Variants in MFRP observed in about 807,000 individuals in gnomAD.
The protein encoded by MFRP is membrane frizzled-related protein, also known as C1q and TNF related 5.
Under a neutral mutation model 65.8 loss-of-function variants are expected in MFRP, and 74 were observed. The ratio of observed to expected loss-of-function variants is 1.12; its 90% CI spans 0.93 to 1.36. The LOEUF (loss-of-function observed/expected upper bound fraction) is 1.36, where lower values mean the gene tolerates loss of function less well. MFRP is among the 40% of genes most tolerant of loss of function. The probability of loss-of-function intolerance (pLI) is 0.00; values close to 1 mark genes in which losing one functional copy is unlikely to be tolerated. For missense variants in MFRP, 838 were observed against 736.0 expected (o/e 1.14, Z -1.60); for synonymous variants, 336 against 288.3 (o/e 1.17, Z -1.68).
At chr11:119,344,425 A>C in intron 7 of MFRP, 34 bp from the exon 8 acceptor site, 1 of 1,601,986 alleles carries the variant, frequency 6.2e-7, no homozygotes, top group Non-Finnish European at 8.5e-7. Flanking sequence ...TGAGTTTGCT[A>C]GGATCTGTGC....
At chr11:119,342,549 A>T (rs1950512553) in intron 11 of MFRP, 47 bp downstream of exon 11, 1 of 1,608,576 alleles carries the variant, frequency 6.2e-7, no homozygotes, top group Admixed American at 1.7e-5. Context: ...GGGTTCTGTG[A>T]GGTGGGCACC....
rs770430181 is a variant in MFRP, at chr11:119,341,649, G to A, written c.1639C>T (p.His547Tyr). The change falls in exon 13 of 15, where the codon CAC becomes TAC. Residue 547 changes from histidine (H) to tyrosine (Y), a missense_variant. Transcript: ENST00000619721. The part of the protein sequence containing the change: ...PCRSVCQEAE[H>Y]QCQSGLALLG... ...AGTGCCAGGCCAGACTGGCACTGGT[G>A]CTCCGCTTCCTGGCAGACAGAGCGG... 3.7e-6 allele frequency: 6 copies of A among 1,613,014 alleles called. No homozygotes were observed. The highest frequency in any genetic ancestry group is 5.1e-6 in the Non-Finnish European group (6 of 1,180,032).
rs1472611111 is a variant in MFRP at position 119,345,504 on chromosome 11, A to G, written c.557T>C (p.Ile186Thr). 4 of 1,613,958 alleles carry G rather than the reference A, an allele frequency of 2.5e-6. No homozygotes were observed. Among genetic ancestry groups the G allele is most frequent in the Non-Finnish European group, 3.4e-6 (4 of 1,180,044 alleles). ...CACACTCTCTATGCTGAGGGCTTCG[A>G]TCTTGAGCTGTATTGCATGGTCTGT... is the stretch of plus-strand genomic sequence containing the variant. ...VATDHAIQLK[I>T]EALSIESVAS... is the part of the protein sequence containing the mutation. Residue 186 changes from isoleucine (I) to threonine (T), a missense_variant, in exon 5 of 15, where the codon ATC (isoleucine) becomes ACC (threonine). By Grantham distance (89) the Ile-to-Thr change is moderately conservative. Coordinates refer to ENST00000619721, the MANE Select transcript of MFRP (RefSeq NM_031433.4).
At position 119,344,949 on chromosome 11, in the gene MFRP, C is replaced by G. The variant is rs1418119482; in HGVS notation, c.697G>C (p.Val233Leu). 6.2e-7 allele frequency: 1 copy of G among 1,610,166 alleles called. No individual in the cohort carries two copies. Among genetic ancestry groups the G allele is most frequent in the Non-Finnish European group, 8.5e-7 (1 of 1,178,830 alleles). The change falls in exon 6 of 15, where the codon GTG becomes CTG. Residue 233 changes from valine (V) to leucine (L), a missense_variant. Transcript: ENST00000619721. ...TLNTNASHLL[V>L]VFVSDSSVEG... is the part of the protein sequence containing the mutation. Reference sequence around the variant, plus strand: ...ACACTGCTGTCAGAGACGAAGACCACCAGGAGGTGGCTGGCATTGGTGTTG... The same window carrying G: ...ACACTGCTGTCAGAGACGAAGACCAGCAGGAGGTGGCTGGCATTGGTGTTG...
Position 119,343,945 on chromosome 11 carries a change from G to T in MFRP, c.995C>A (p.Ser332Ter). ...PHQLLCTWHI[S>*]VPAGHSIELQ... ...TTCTATGCTGTGTCCGGCAGGCACC[G>T]AGATATGCCAGGTGCAGAGCTGGGG... Residue 332 changes from serine to a stop codon, truncating the protein, a stop_gained, in exon 9 of 15, where the codon TCG (serine) becomes TAG (stop). Transcript: ENST00000619721. LOFTEE classifies it high-confidence loss of function. The T allele has an allele frequency of 6.2e-7, 1 of 1,613,190 alleles. No individual in the cohort carries two copies.
chr11:119,345,116 G>A, intron 5 of MFRP, 112 bp from the exon 6 acceptor site: 1 of 1,422,794 alleles, frequency 7.0e-7, no homozygotes, highest in Non-Finnish European at 9.6e-7. Flanking sequence ...TGGTGACCAT[G>A]TGGTCAAAAA....
Position 119,340,257 on chromosome 11 carries a change from C to T in MFRP, c.*1037G>A. The T allele has an allele frequency of 6.6e-7, 1 of 1,516,884 alleles. No homozygotes were observed. The highest frequency in any genetic ancestry group is 8.8e-7 in the Non-Finnish European group (1 of 1,135,320). 94.0% of individuals were successfully genotyped at this position (1,516,884 alleles called of 1,614,324 possible). A position where few individuals can be genotyped will look rare whatever the true frequency, so the allele number is the denominator to read the frequency against. On this transcript the variant is annotated 3_prime_UTR_variant, in exon 14 of 15. Transcript: ENST00000619721. Reference sequence around the variant, plus strand: ...CGCGGCCGTCGCGGCCATCGCGGCCCGGCAAGCCCTGGCTGCCATGGTGGC... The same window carrying T: ...CGCGGCCGTCGCGGCCATCGCGGCCTGGCAAGCCCTGGCTGCCATGGTGGC...
Position 119,341,783 on chromosome 11 carries a change from A to T in MFRP, c.1516-11T>A. The T allele has an allele frequency of 6.2e-7, 1 of 1,613,204 alleles. No individual in the cohort carries two copies. Among genetic ancestry groups the T allele is most frequent in the South Asian group, 1.1e-5 (1 of 91,072 alleles). On this transcript the variant is annotated splice_polypyrimidine_tract_variant and intron_variant, in intron 12 of 14. Coordinates refer to ENST00000619721, the MANE Select transcript of MFRP (RefSeq NM_031433.4). ...CAGGCTTGTCAGGCTCTGCGGAGGG[A>T]GAGTGGCCTTCAGGCACCTGCTCCC...
In MFRP at chr11:119,345,944, T is replaced by C. The variant is rs1223761359; in HGVS notation, c.272-16A>G. 1.2e-6 allele frequency: 2 copies of C among 1,613,538 alleles called. No individual in the cohort carries two copies. Among genetic ancestry groups the C allele is most frequent in the African/African-American group, 1.3e-5 (1 of 74,928 alleles). ...GCCTGCAGCTCTGGAGGCGAGAAGA[T>C]GGAGGGTGGCGTTCAGAGGAGCTGG... On this transcript the variant is annotated splice_polypyrimidine_tract_variant and intron_variant, in intron 3 of 14. Coordinates refer to ENST00000619721, the MANE Select transcript of MFRP (RefSeq NM_031433.4).
chr11:119,339,753 A>G lies in MFRP; in HGVS notation c.*1206T>C. 1 of 1,592,492 alleles carries G rather than the reference A, an allele frequency of 6.3e-7. No individual in the cohort carries two copies. The highest frequency in any genetic ancestry group is 8.5e-7 in the Non-Finnish European group (1 of 1,176,176). On this transcript the variant is annotated 3_prime_UTR_variant, in exon 15 of 15. Transcript: ENST00000619721. The surrounding 1 kb of genome is among the most constrained non-coding windows in gnomAD (Gnocchi z 5.4). ...TCGGAGCGCTTGGCGCTGAAGGCGG[A>G]TCGCGGAGGCACCGAGCACTCCCCG... is the stretch of plus-strand genomic sequence containing the variant.
intron 7 of MFRP, 79 bp downstream of exon 7, chr11:119,344,553 A>G (rs1223112619): frequency 1.2e-6 from 2 of 1,609,956 alleles, no homozygotes; most frequent in Admixed American, 1.7e-5. Flanking sequence ...GCCCGGTTTG[A>G]GGCTGGACCA....
intron 9 of MFRP, among the ~76,000 whole-genome samples, chr11:119,343,412 G>T (rs1403757803): frequency 6.6e-6 from 1 of 152,216 alleles, no homozygotes; most frequent in African/African-American, 2.4e-5. Context: ...AGCTACTTAG[G>T]AGGCTGAGGT....
chr11:119,342,001 G>A lies in MFRP; in HGVS notation c.1388-17C>T. On this transcript the variant is annotated splice_polypyrimidine_tract_variant and intron_variant, in intron 11 of 14. Transcript: ENST00000619721. ...AGGCCAGCTCTGCAGGGGTGGAGGG[G>A]AGGGCCACTGTGGGGACTGCTCACT... 2 of 1,613,012 alleles carry A rather than the reference G, an allele frequency of 1.2e-6. No homozygotes were observed. The highest frequency in any genetic ancestry group is 1.7e-6 in the Non-Finnish European group (2 of 1,180,016).
At position 119,346,449 on chromosome 11, in the gene MFRP, G is replaced by A; in HGVS notation, c.54+11C>T. ...CTGGGTCTTAGGAGCACGATTCTAT[G>A]TGGTCCTTACCTTGCTCGATTCTGT... On this transcript the variant is annotated intron_variant, in intron 1 of 14. Coordinates refer to ENST00000619721, the MANE Select transcript of MFRP (RefSeq NM_031433.4). 1.2e-6 allele frequency: 2 copies of A among 1,614,112 alleles called. No individual in the cohort carries two copies. The highest frequency in any genetic ancestry group is 1.3e-5 in the African/African-American group (1 of 75,022).
chr11:119,342,790 T>A, intron 10 of MFRP, 63 bp from the exon 11 acceptor site: 4 of 1,612,864 alleles, frequency 2.5e-6, no homozygotes, highest in Non-Finnish European at 2.5e-6. Flanking sequence ...ACCCCCAGAG[T>A]GTCCTGACCA....
rs1565295426 is a variant in MFRP, at chr11:119,345,431, GC to G, written c.629del (p.Gly210AlafsTer96). Reference sequence around the variant, plus strand: ...ACAGAGGGACCTACCTGAGGAGGGGGCCTTCAGGCTCAGGGGAGAGTTCCAA... The same window carrying G: ...ACAGAGGGACCTACCTGAGGAGGGGGCTTCAGGCTCAGGGGAGAGTTCCAA... The part of the protein sequence containing the change: ...DRLELSPEPE[G>X]PLLRVCGRVP... On this transcript the variant is annotated frameshift_variant, in exon 5 of 15. Coordinates refer to ENST00000619721, the MANE Select transcript of MFRP (RefSeq NM_031433.4). LOFTEE classifies it high-confidence loss of function. The G allele has an allele frequency of 3.1e-6, 5 of 1,613,868 alleles. No individual in the cohort carries two copies. The highest frequency in any genetic ancestry group is 4.2e-6 in the Non-Finnish European group (5 of 1,179,960).
rs1950536085 is a variant in MFRP at position 119,344,358 on chromosome 11, G to A, written c.932C>T (p.Thr311Ile). The A allele has an allele frequency of 2.5e-6, 4 of 1,614,038 alleles. No homozygotes were observed. The highest frequency in any genetic ancestry group is 1.6e-4 in the Middle Eastern group (1 of 6,062). Residue 311 changes from threonine (T) to isoleucine (I), a missense_variant, in exon 8 of 15, where the codon ACT becomes ATT. Thr to Ile is a moderately conservative substitution (Grantham distance 89). Coordinates refer to ENST00000619721, the MANE Select transcript of MFRP (RefSeq NM_031433.4). Reference protein sequence around the residue: ...CGGNLTGLQGTFSTPSYLQQY... With the variant: ...CGGNLTGLQGIFSTPSYLQQY... ...CTGCAGGTAGCTGGGAGTAGAGAAA[G>A]TGCCCTGGAGGCCAGTCAGATTCCC...
In MFRP at chr11:119,345,794, C is replaced by T. The variant is rs3814762; in HGVS notation, c.406G>A (p.Val136Met). Residue 136 changes from valine to methionine, a missense_variant, in exon 4 of 15, where the codon GTG (valine) becomes ATG (methionine). Transcript: ENST00000619721. ...GTPKGQQESG[V>M]SPSPQSTCGG... Reference sequence around the variant, plus strand: ...TCACTGGACTGTGGGGAGGGGCTCACGCCTGACTCCTGCTGCCCTTTAGGG... The same window carrying T: ...TCACTGGACTGTGGGGAGGGGCTCATGCCTGACTCCTGCTGCCCTTTAGGG... 0.31 allele frequency: 492,132 copies of T among 1,613,314 alleles called. 78,848 individuals are homozygous for T. Among genetic ancestry groups the T allele is most frequent in the Non-Finnish European group, 0.33 (394,040 of 1,179,842 alleles).
chr11:119,345,414 A>T lies in MFRP; in HGVS notation c.641+6T>A. 6.2e-7 allele frequency: 1 copy of T among 1,613,446 alleles called. No homozygotes were observed. The highest frequency in any genetic ancestry group is 8.5e-7 in the Non-Finnish European group (1 of 1,179,702). ...GGTGGGATGTCCTGGGGACAGAGGGACCTACCTGAGGAGGGGGCCTTCAGG... is the reference window on the plus strand; with the variant it reads ...GGTGGGATGTCCTGGGGACAGAGGGTCCTACCTGAGGAGGGGGCCTTCAGG... On this transcript the variant is annotated splice_donor_region_variant and intron_variant, in intron 5 of 14. Coordinates refer to ENST00000619721, the MANE Select transcript of MFRP (RefSeq NM_031433.4).
Sources: gnomAD v4.1 joint callset for allele counts (sites outside exome capture counted in the v4.1 genomes callset) on GRCh38, gnomAD v4.1.1 for gene constraint, Gnocchi (gnomAD v3.1) non-coding constraint, MANE v1.5 for transcripts, NCBI Gene and HGNC (gene_info 2026-07-23, HGNC 2026-07-21) for gene names.